GRK5: variants seen among roughly 807,000 people sequenced by gnomAD.
The protein encoded by GRK5 is G protein-coupled receptor kinase 5, also known as g protein-coupled receptor kinase GRK5.
Under a neutral mutation model 78.4 loss-of-function variants are expected in GRK5, and 40 were observed. The observed-to-expected ratio is 0.51, with a 90% CI of 0.40 to 0.66. The LOEUF is 0.66. Ranked by LOEUF, GRK5 falls within the 30% of genes least tolerant of loss-of-function variation. The pLI, the probability that GRK5 is intolerant of heterozygous loss-of-function variation, is 0.00. For synonymous variants in GRK5, 289 were observed against 296.8 expected, an observed-to-expected ratio of 0.97 and a Z score of 0.27; for missense variants, 598 against 759.9, an observed-to-expected ratio of 0.79 and a Z score of 2.50.
In GRK5 at chr10:119,412,785, C is replaced by A. The variant is rs192067840; in HGVS notation, c.340-10381C>A. On this transcript the variant is annotated intron_variant, in intron 4 of 15. Coordinates refer to ENST00000392870, the MANE Select transcript of GRK5 (RefSeq NM_005308.3). This position sits in a 1 kb window ranked among gnomAD's most constrained non-coding sequence, Gnocchi z 4.3. Reference sequence around the variant, plus strand: ...GCAAACCTTTTTCTCTGGTTGTGACCGTATGAGCATGTTTAATTGCAAGCC... The same window carrying A: ...GCAAACCTTTTTCTCTGGTTGTGACAGTATGAGCATGTTTAATTGCAAGCC... Among the ~76,000 whole-genome samples, 1 of 152,158 alleles carries A rather than the reference C, an allele frequency of 6.6e-6. No individual in the cohort carries two copies. The highest frequency in any genetic ancestry group is 1.5e-5 in the Non-Finnish European group (1 of 68,042).
At chr10:119,240,450 C>T (rs1053351604) in intron 1 of GRK5, among the ~76,000 whole-genome samples, 1 of 152,080 alleles carries the variant, frequency 6.6e-6, no homozygotes, top group Non-Finnish European at 1.5e-5. Flanking sequence ...ATCTGCCCGC[C>T]TCAGCCTCCC....
intron 2 of GRK5, among the ~76,000 whole-genome samples, chr10:119,355,737 G>A (rs1407496946): frequency 6.6e-6 from 1 of 152,162 alleles, no homozygotes; most frequent in East Asian, 1.9e-4. Context: ...CTGAGATTGA[G>A]CCACTGCACT....
At chr10:119,408,467 G>A (rs750222869) in intron 4 of GRK5, among the ~76,000 whole-genome samples, 5 of 151,946 alleles carry the variant, frequency 3.3e-5, no homozygotes, top group Non-Finnish European at 5.9e-5. Flanking sequence ...ATCAACGGAT[G>A]AATGGATAAG....
chr10:119,219,774 G>A (rs1006001183), intron 1 of GRK5, among the ~76,000 whole-genome samples: 7 of 152,168 alleles, frequency 4.6e-5, no homozygotes, highest in Admixed American at 4.6e-4. Flanking sequence ...ATTTGCATTA[G>A]ACCAAACATT....
At chr10:119,387,528 T>G (rs1851820944) in intron 3 of GRK5, among the ~76,000 whole-genome samples, 1 of 152,058 alleles carries the variant, frequency 6.6e-6, no homozygotes, top group Admixed American at 6.6e-5. Flanking sequence ...AGAAATGGAG[T>G]CAGTGACCTA....
chr10:119,402,651 G>A (rs1359706022), intron 4 of GRK5, among the ~76,000 whole-genome samples: 1 of 152,080 alleles, frequency 6.6e-6, no homozygotes, highest in Non-Finnish European at 1.5e-5. Flanking sequence ...TCAGGGGTTC[G>A]AGACCAGCCT....
chr10:119,399,095 G>A (rs1852104442), intron 4 of GRK5, among the ~76,000 whole-genome samples: 1 of 152,200 alleles, frequency 6.6e-6, no homozygotes, highest in African/African-American at 2.4e-5. Context: ...ATCTCCTGGA[G>A]GGATGGGGCC....
intron 1 of GRK5, among the ~76,000 whole-genome samples, chr10:119,316,945 G>GC (rs1275993830): frequency 1.3e-5 from 2 of 152,104 alleles, no homozygotes; most frequent in African/African-American, 2.4e-5. Context: ...GACATGCCCA[G>GC]CCCCCCTCAT....
At chr10:119,247,133 C>T (rs1284793171) in intron 1 of GRK5, among the ~76,000 whole-genome samples, 1 of 152,218 alleles carries the variant, frequency 6.6e-6, no homozygotes, top group Non-Finnish European at 1.5e-5. Flanking sequence ...GGGCGTCCAA[C>T]TCCAGACCTC....
At chr10:119,233,992 G>C (rs1005487128) in intron 1 of GRK5, among the ~76,000 whole-genome samples, 8 of 152,146 alleles carry the variant, frequency 5.3e-5, no homozygotes, top group Non-Finnish European at 1.0e-4. Context: ...ACACATGTTG[G>C]TTTGATCCCC....
At chr10:119,277,024 G>T (rs1849682101) in intron 1 of GRK5, among the ~76,000 whole-genome samples, 1 of 152,152 alleles carries the variant, frequency 6.6e-6, no homozygotes, top group African/African-American at 2.4e-5. Flanking sequence ...TTTGTGATTT[G>T]GGAAAATCCG....
chr10:119,295,324 A>G (rs953155031), intron 1 of GRK5, among the ~76,000 whole-genome samples: 13 of 152,136 alleles, frequency 8.5e-5, no homozygotes, highest in Admixed American at 8.5e-4. Flanking sequence ...CTCAATAGAT[A>G]TTAGCTGAAT....
chr10:119,276,097 C>T (rs1257710325), intron 1 of GRK5, among the ~76,000 whole-genome samples: 2 of 152,142 alleles, frequency 1.3e-5, no homozygotes, highest in African/African-American at 4.8e-5. Context: ...GCAGCTCAGA[C>T]TCTGTTGTAA....
intron 3 of GRK5, among the ~76,000 whole-genome samples, chr10:119,395,045 GC>G (rs1210293216): frequency 6.9e-6 from 1 of 145,442 alleles, no homozygotes; most frequent in Admixed American, 7.6e-5. Flanking sequence ...GAGAGGCTCT[GC>G]CCACGCGGCG....
intron 1 of GRK5, among the ~76,000 whole-genome samples, chr10:119,303,174 A>T (rs1472594502): frequency 1.3e-5 from 2 of 152,170 alleles, no homozygotes; most frequent in African/African-American, 4.8e-5. Context: ...CGGGGGCAGG[A>T]TGGTGAATTG....
chr10:119,366,670 A>AC (rs1851455842), intron 2 of GRK5, among the ~76,000 whole-genome samples: 2 of 152,226 alleles, frequency 1.3e-5, no homozygotes, highest in South Asian at 4.1e-4. Flanking sequence ...AGGCTGGAGC[A>AC]CCCCTGGACC....
chr10:119,268,352 C>T (rs926229350), intron 1 of GRK5, among the ~76,000 whole-genome samples: 3 of 152,118 alleles, frequency 2.0e-5, no homozygotes, highest in Admixed American at 6.5e-5. Flanking sequence ...AATTCACTGC[C>T]GGAGAAGCCC....
intron 1 of GRK5, among the ~76,000 whole-genome samples, chr10:119,308,212 C>T (rs1281665262): frequency 6.6e-6 from 1 of 152,142 alleles, no homozygotes. Flanking sequence ...GCTGTGCCCA[C>T]AGCAGCTCCT....
At chr10:119,259,065 C>CTT (rs397950981) in intron 1 of GRK5, among the ~76,000 whole-genome samples, 1,394 of 130,138 alleles carry the variant, frequency 0.011, 34 homozygotes, top group African/African-American at 0.022. Flanking sequence ...CTTTCTTTTT[C>CTT]TTTTTTTTTT....
Sources: gnomAD v4.1 joint callset for allele counts (sites outside exome capture counted in the v4.1 genomes callset) on GRCh38, gnomAD v4.1.1 for gene constraint, Gnocchi (gnomAD v3.1) non-coding constraint, MANE v1.5 for transcripts, NCBI Gene and HGNC (gene_info 2026-07-23, HGNC 2026-07-21) for gene names.